The following USH2A variants were observed in gnomAD, a reference collection of about 807,000 sequenced individuals.
USH2A encodes usherin.
USH2A carries 443 observed loss-of-function variants against 538.9 expected under a neutral mutation model. The observed-to-expected ratio is 0.82, with a 90% CI of 0.76 to 0.89. USH2A has a LOEUF of 0.89. Ranked by LOEUF, USH2A falls within the 40% of genes least tolerant of loss-of-function variation. The probability of loss-of-function intolerance (pLI) is 0.00; values close to 1 mark genes in which losing one functional copy is unlikely to be tolerated. For missense variants in USH2A, 6,633 were observed against 6,324.8 expected, an observed-to-expected ratio of 1.05 and a Z score of -1.65; for synonymous variants, 2,413 against 2,273.5, an observed-to-expected ratio of 1.06 and a Z score of -1.75.
At position 216,097,317 on chromosome 1, in the gene USH2A, GTCAGGAAATTA is replaced by G. The variant is rs2032464411; in HGVS notation, c.4628-115_4628-105del. ...TATTATTTATGATGTAGTGAGTACA[GTCAGGAAATTA>G]TACACAGCAATATACTCGCATGGTC... is the stretch of plus-strand genomic sequence containing the variant. On this transcript the variant is annotated intron_variant, in intron 21 of 71. Coordinates refer to ENST00000307340, the MANE Select transcript of USH2A (RefSeq NM_206933.4). 3 of 1,588,058 alleles carry G rather than the reference GTCAGGAAATTA, an allele frequency of 1.9e-6. No homozygotes were observed. The East Asian group carries it at 6.8e-5, about 36-fold the overall frequency.
At chr1:216,379,258 T>C (rs1245300869) in intron 3 of USH2A, among the ~76,000 whole-genome samples, 3 of 152,190 alleles carry the variant, frequency 2.0e-5, no homozygotes, top group South Asian at 4.1e-4. Context: ...AGTACTCTCC[T>C]CTGCTACATT....
chr1:215,692,864 C>A (rs1220369087), intron 61 of USH2A, among the ~76,000 whole-genome samples: 1 of 151,936 alleles, frequency 6.6e-6, no homozygotes, highest in Non-Finnish European at 1.5e-5. Flanking sequence ...AGTTCTCCTC[C>A]CTTATGGTAA....
chr1:216,346,444 T>C (rs993902227), intron 4 of USH2A, among the ~76,000 whole-genome samples: 1 of 152,094 alleles, frequency 6.6e-6, no homozygotes, highest in Non-Finnish European at 1.5e-5. Context: ...TTTTTACTTT[T>C]GGGGGTATCA....
Position 216,422,286 on chromosome 1 carries a change from A to G in USH2A, c.51T>C (p.Ile17=). Residue 17 remains isoleucine (I), a synonymous_variant, in exon 2 of 72, where the codon ATT becomes ATC. Coordinates refer to ENST00000307340, the MANE Select transcript of USH2A (RefSeq NM_206933.4). Reference sequence around the variant, plus strand: ...CAAAATAGGCAAAGATCAACATTTCAATGACCTGAAACAAGAAGCCAGAGC... The same window carrying G: ...CAAAATAGGCAAAGATCAACATTTCGATGACCTGAAACAAGAAGCCAGAGC... ...SLGSGFLFQV[I]EMLIFAYFAS... 1 of 1,613,792 alleles carries G rather than the reference A, an allele frequency of 6.2e-7. No individual in the cohort carries two copies. The highest frequency in any genetic ancestry group is 8.5e-7 in the Non-Finnish European group (1 of 1,179,824).
chr1:215,753,384 C>G (rs1308003305), intron 58 of USH2A, among the ~76,000 whole-genome samples: 1 of 152,064 alleles, frequency 6.6e-6, no homozygotes, highest in Non-Finnish European at 1.5e-5. Context: ...CGGCACTATT[C>G]ACAATAGCAA....
intron 44 of USH2A, among the ~76,000 whole-genome samples, chr1:215,864,183 TA>T (rs1664406679): frequency 6.6e-6 from 1 of 152,134 alleles, no homozygotes; most frequent in Non-Finnish European, 1.5e-5. Flanking sequence ...GTTAAAGTGT[TA>T]ATGACTGTTA....
At chr1:216,168,396 A>C (rs990674316) in intron 21 of USH2A, among the ~76,000 whole-genome samples, 1 of 152,168 alleles carries the variant, frequency 6.6e-6, no homozygotes, top group Non-Finnish European at 1.5e-5. Flanking sequence ...ATGACTTTGC[A>C]AAAATTATAA....
chr1:215,864,780 C>A (rs1246446526), intron 44 of USH2A, among the ~76,000 whole-genome samples: 1 of 152,164 alleles, frequency 6.6e-6, no homozygotes, highest in East Asian at 1.9e-4. Context: ...ACGCTTTTAT[C>A]TCACATATCA....
chr1:216,068,796 G>T (rs1558240768), intron 30 of USH2A, among the ~76,000 whole-genome samples: 1 of 152,042 alleles, frequency 6.6e-6, no homozygotes, highest in Admixed American at 6.6e-5. Flanking sequence ...ATATCAAAAT[G>T]GTTTTATGTG....
rs1040249278 is a variant in USH2A, at chr1:215,625,030, G to A, written c.*751C>T. The A allele has an allele frequency of 2.6e-5, 4 of 152,146 alleles. No homozygotes were observed. Among genetic ancestry groups the A allele is most frequent in the East Asian group, 3.9e-4 (2 of 5,188 alleles). 9.4% of individuals were successfully genotyped at this position (152,146 alleles called of 1,614,324 possible). On this transcript the variant is annotated 3_prime_UTR_variant, in exon 72 of 72. Transcript: ENST00000307340. ...AATAAAAACATTGGTTCAAGTAGAG[G>A]TGTTCCTAGTGAAACACTTTGTTTT...
At chr1:215,793,363 T>C (rs1480167157) in intron 50 of USH2A, among the ~76,000 whole-genome samples, 2 of 152,118 alleles carry the variant, frequency 1.3e-5, no homozygotes, top group Non-Finnish European at 2.9e-5. Flanking sequence ...AGGGATATTT[T>C]AGGCCTAGAA....
At position 215,813,892 on chromosome 1, in the gene USH2A, C is replaced by T. The variant is rs149027999; in HGVS notation, c.9583G>A (p.Gly3195Arg). 1.7e-5 allele frequency: 28 copies of T among 1,613,440 alleles called. No individual in the cohort carries two copies. The highest frequency in any genetic ancestry group is 2.7e-5 in the African/African-American group (2 of 74,820). ...YSSEAKVCCN[G>R]VLYNPKPGHR... Reference sequence around the variant, plus strand: ...CCAGGCTTGGGGTTATAGAGCACTCCGTTACAACAAACCTGAAAGTTTGAA... The same window carrying T: ...CCAGGCTTGGGGTTATAGAGCACTCTGTTACAACAAACCTGAAAGTTTGAA... Residue 3195 changes from glycine (G) to arginine (R), a missense_variant, in exon 49 of 72, where the codon GGA becomes AGA. Coordinates refer to ENST00000307340, the MANE Select transcript of USH2A (RefSeq NM_206933.4).
intron 56 of USH2A, among the ~76,000 whole-genome samples, chr1:215,761,731 CA>C (rs1441517272): frequency 1.3e-5 from 2 of 152,174 alleles, no homozygotes; most frequent in Non-Finnish European, 2.9e-5. Flanking sequence ...AATTCAATGT[CA>C]AACATTCAAG....
At chr1:215,987,308 A>T (rs1426136248) in intron 35 of USH2A, among the ~76,000 whole-genome samples, 1 of 152,266 alleles carries the variant, frequency 6.6e-6, no homozygotes. Flanking sequence ...CAAATGTATT[A>T]GACAGTAATC....
At chr1:215,951,742 A>G (rs1171940928) in intron 37 of USH2A, among the ~76,000 whole-genome samples, 10 of 152,160 alleles carry the variant, frequency 6.6e-5, no homozygotes, top group Non-Finnish European at 1.5e-4. Flanking sequence ...GTGCTCCTGT[A>G]TTGGGTGCAT....
intron 22 of USH2A, among the ~76,000 whole-genome samples, chr1:216,090,536 C>T (rs1005217412): frequency 1.1e-4 from 17 of 151,508 alleles, no homozygotes; most frequent in African/African-American, 4.1e-4. Context: ...CAGCTAGAAA[C>T]ATGACCATCT....
At chr1:216,110,884 G>A (rs974148104) in intron 21 of USH2A, among the ~76,000 whole-genome samples, 1 of 152,176 alleles carries the variant, frequency 6.6e-6, no homozygotes, top group African/African-American at 2.4e-5. Flanking sequence ...GCACTTTCTT[G>A]AAACTACTAC....
chr1:215,692,725 G>T (rs1272528552), intron 61 of USH2A, among the ~76,000 whole-genome samples: 1 of 151,942 alleles, frequency 6.6e-6, no homozygotes, highest in South Asian at 2.1e-4. Flanking sequence ...TGAGGAGCAG[G>T]GAAATTCTTT....
intron 16 of USH2A, among the ~76,000 whole-genome samples, chr1:216,200,540 A>C (rs1257367606): frequency 1.3e-5 from 2 of 152,222 alleles, no homozygotes; most frequent in Non-Finnish European, 2.9e-5. Flanking sequence ...TCACCTGGCC[A>C]ACATCTTGAA....
Sources: gnomAD v4.1 joint callset for allele counts (sites outside exome capture counted in the v4.1 genomes callset) on GRCh38, gnomAD v4.1.1 for gene constraint, MANE v1.5 for transcripts, NCBI Gene and HGNC (gene_info 2026-07-23, HGNC 2026-07-21) for gene names.